Variants in RGS3 observed in about 807,000 individuals in gnomAD.
RGS3 encodes regulator of G-protein signalling 3.
In RGS3, 80 loss-of-function variants were observed where a neutral mutation model predicts 132.6. That is an observed-to-expected ratio of 0.60 (90% CI 0.50 to 0.73). The LOEUF (loss-of-function observed/expected upper bound fraction) is 0.73. Among genes scored for constraint, RGS3 ranks in the 30% least tolerant of loss-of-function variants. The pLI is 0.00. For synonymous variants in RGS3, 598 were observed against 620.6 expected (o/e 0.96, Z 0.54); for missense variants, 1,382 against 1,530.8 (o/e 0.90, Z 1.62).
chr9:113,506,362 T>A lies in RGS3; in HGVS notation c.980-26T>A. ...AGGGGTCTTAGGCTTCAGGGGCCCC[T>A]GAATGGCTTTTCTTTGTCCCTGCAG... On this transcript the variant is annotated intron_variant, in intron 11 of 24. Transcript: ENST00000350696. The surrounding 1 kb of genome is among the most constrained non-coding windows in gnomAD (Gnocchi z 4.7). 3 of 1,538,752 alleles carry A rather than the reference T, an allele frequency of 1.9e-6. No individual in the cohort carries two copies. The highest frequency in any genetic ancestry group is 2.7e-6 in the Non-Finnish European group (3 of 1,130,338).
chr9:113,471,105 A>T (rs1300143864), intron 3 of RGS3, among the ~76,000 whole-genome samples: 1 of 152,190 alleles, frequency 6.6e-6, no homozygotes, highest in Non-Finnish European at 1.5e-5. Context: ...TCACTGGGTT[A>T]GTCTTAATTC....
At chr9:113,470,295 G>A (rs1018782952) in intron 3 of RGS3, among the ~76,000 whole-genome samples, 1 of 152,120 alleles carries the variant, frequency 6.6e-6, no homozygotes, top group Non-Finnish European at 1.5e-5. Context: ...CAAATATTCC[G>A]TATCCTTGTT....
chr9:113,562,368 T>C (rs1431053498), intron 19 of RGS3, among the ~76,000 whole-genome samples: 1 of 150,044 alleles, frequency 6.7e-6, no homozygotes, highest in Non-Finnish European at 1.5e-5. Flanking sequence ...TCCCAGCTAC[T>C]AGGGAGGCTG....
intron 15 of RGS3, among the ~76,000 whole-genome samples, chr9:113,516,192 C>A (rs1433758477): frequency 2.6e-5 from 4 of 152,180 alleles, no homozygotes; most frequent in Non-Finnish European, 5.9e-5. Context: ...TGTCACTGTC[C>A]AGTAGGCACA....
intron 3 of RGS3, among the ~76,000 whole-genome samples, chr9:113,473,871 A>G (rs559937500): frequency 6.6e-6 from 1 of 152,348 alleles, no homozygotes; most frequent in African/African-American, 2.4e-5. Flanking sequence ...CTAGCCTGGT[A>G]GTTCACTATG....
At chr9:113,542,678 G>T (rs1809404566) in intron 19 of RGS3, among the ~76,000 whole-genome samples, 1 of 152,238 alleles carries the variant, frequency 6.6e-6, no homozygotes, top group African/African-American at 2.4e-5. Flanking sequence ...CCTCGTGGGG[G>T]ATAGTGGGGG....
At chr9:113,482,505 C>T (rs1386673536) in intron 4 of RGS3, among the ~76,000 whole-genome samples, 1 of 152,156 alleles carries the variant, frequency 6.6e-6, no homozygotes, top group East Asian at 1.9e-4. Flanking sequence ...CTGTGCTGTC[C>T]GCCAGCCACA....
At chr9:113,483,334 T>C (rs1305172638) in intron 5 of RGS3, among the ~76,000 whole-genome samples, 1 of 152,136 alleles carries the variant, frequency 6.6e-6, no homozygotes, top group Non-Finnish European at 1.5e-5. Flanking sequence ...ACAGCCAAAA[T>C]CTTAAGGGCG....
At chr9:113,594,895 T>A (rs763096618) in intron 22 of RGS3, 24 bp from the exon 21 acceptor site, 65 of 1,612,182 alleles carry the variant, frequency 4.0e-5, no homozygotes, top group Admixed American at 8.3e-5. Context: ...GTGCCCTCAC[T>A]GTGTTTCCTC....
intron 18 of RGS3, chr9:113,536,356 C>T (rs547830628): frequency 1.0e-5 from 4 of 397,218 alleles, no homozygotes; most frequent in Non-Finnish European, 1.4e-5. Flanking sequence ...CAGAGAAGAG[C>T]GCTGTGAGGA....
chr9:113,494,891 T>C (rs561233248), intron 7 of RGS3, among the ~76,000 whole-genome samples: 4 of 152,296 alleles, frequency 2.6e-5, no homozygotes, highest in African/African-American at 7.2e-5. Context: ...TTCTTTTTTT[T>C]TGAGATGGAG....
intron 18 of RGS3, among the ~76,000 whole-genome samples, chr9:113,534,405 C>G (rs1376805772): frequency 6.6e-6 from 1 of 152,084 alleles, no homozygotes; most frequent in Non-Finnish European, 1.5e-5. Context: ...CCCACAGATA[C>G]CAAAGTCCAA....
intron 4 of RGS3, among the ~76,000 whole-genome samples, chr9:113,480,468 A>C (rs972773248): frequency 6.6e-6 from 1 of 151,890 alleles, no homozygotes; most frequent in Non-Finnish European, 1.5e-5. Flanking sequence ...CAAAAAAAAA[A>C]AAAAAAAAAA....
intron 4 of RGS3, among the ~76,000 whole-genome samples, chr9:113,481,920 C>G (rs1299479713): frequency 6.6e-6 from 1 of 152,114 alleles, no homozygotes; most frequent in African/African-American, 2.4e-5. Context: ...GTGGCACAAG[C>G]CTGTAATCCC....
At chr9:113,544,456 T>C (rs1833027811) in intron 19 of RGS3, among the ~76,000 whole-genome samples, 1 of 152,204 alleles carries the variant, frequency 6.6e-6, no homozygotes, top group East Asian at 1.9e-4. Context: ...ATGACATTTA[T>C]TTATATATGT....
intron 19 of RGS3, among the ~76,000 whole-genome samples, chr9:113,548,113 G>A (rs547271863): frequency 6.6e-6 from 1 of 152,320 alleles, no homozygotes; most frequent in Non-Finnish European, 1.5e-5. Context: ...TGTGGAGCTG[G>A]AAAGCCTCCT....
At position 113,463,685 on chromosome 9, in the gene RGS3, G is replaced by A; in HGVS notation, c.415+1484G>A. 3.6e-6 allele frequency: 5 copies of A among 1,375,362 alleles called. No individual in the cohort carries two copies. In the South Asian group the frequency reaches 4.7e-5, roughly 13 times the overall value. 85.2% of individuals were successfully genotyped at this position (1,375,362 alleles called of 1,614,324 possible). A position where few individuals can be genotyped will look rare whatever the true frequency, so the allele number is the denominator to read the frequency against. ...CCGGGCGCGCCCTGGCCGTTCCAAC[G>A]CTTGGGGCAGCCCTACCTCCCGCTC... On this transcript the variant is annotated intron_variant, in intron 3 of 24. Coordinates refer to ENST00000350696, the Ensembl canonical transcript of RGS3. The surrounding 1 kb of genome is among the most constrained non-coding windows in gnomAD (Gnocchi z 4.6).
rs186072129 is a variant in RGS3 at position 113,473,991 on chromosome 9, A to G, written c.416-5500A>G. Among the ~76,000 whole-genome samples, 64 of 152,310 alleles carry G rather than the reference A, an allele frequency of 4.2e-4. No individual in the cohort carries two copies. In the East Asian group the frequency reaches 0.012, roughly 29 times the overall value. ...CCAGCCAAGATTAGATGCTGACTGC[A>G]GTAGATTCAGGAGTTTTATTTTACC... On this transcript the variant is annotated intron_variant, in intron 3 of 24. Coordinates refer to ENST00000350696, the Ensembl canonical transcript of RGS3.
intron 16 of RGS3, among the ~76,000 whole-genome samples, chr9:113,520,572 C>A (rs990022323): frequency 8.3e-5 from 10 of 120,872 alleles, no homozygotes; most frequent in South Asian, 2.8e-4. Context: ...TTTAAACTTT[C>A]TAGGCTCCTG....
Sources: allele counts gnomAD v4.1 joint callset (sites outside exome capture counted in the v4.1 genomes callset), GRCh38; gene constraint gnomAD v4.1.1; non-coding constraint Gnocchi (gnomAD v3.1); transcripts MANE v1.5; gene names NCBI Gene and HGNC (gene_info 2026-07-23, HGNC 2026-07-21).